RNF150: variants seen among roughly 807,000 people sequenced by gnomAD.
The protein encoded by RNF150 is ring finger protein 150.
A neutral mutation model predicts 39.3 loss-of-function variants in RNF150; 24 were observed. The ratio of observed to expected loss-of-function variants is 0.61; its 90% CI spans 0.44 to 0.86. The LOEUF is 0.86. RNF150 is among the 40% of genes least tolerant of loss of function. RNF150 has a pLI of 0.00. For missense variants in RNF150, 502 were observed against 587.8 expected (o/e 0.85, Z 1.51); for synonymous variants, 255 against 227.3 (o/e 1.12, Z -1.10).
intron 1 of RNF150, among the ~76,000 whole-genome samples, chr4:141,117,851 G>A (rs1425790947): frequency 6.6e-6 from 1 of 152,194 alleles, no homozygotes; most frequent in African/African-American, 2.4e-5. Flanking sequence ...GATTTGCTGA[G>A]TTCCTCTAGT....
chr4:140,990,312 T>C (rs1201796731), intron 1 of RNF150, among the ~76,000 whole-genome samples: 1 of 152,224 alleles, frequency 6.6e-6, no homozygotes, highest in East Asian at 1.9e-4. Flanking sequence ...TAAAATAAAA[T>C]GATAGCTTTC....
At chr4:140,977,733 CT>C (rs1393943975) in intron 1 of RNF150, among the ~76,000 whole-genome samples, 3 of 152,142 alleles carry the variant, frequency 2.0e-5, no homozygotes, top group African/African-American at 7.2e-5. Context: ...CTTCAATCAA[CT>C]TATTTGAATT....
intron 1 of RNF150, among the ~76,000 whole-genome samples, chr4:140,999,969 GAAGAAGAAAAGAAGAA>G (rs71985732): frequency 3.2e-5 from 1 of 31,004 alleles, no homozygotes; most frequent in Non-Finnish European, 9.0e-5. Flanking sequence ...AGAAGAAGAA[GAAGAAGAAAAGAAGAA>G]AAGAAGAAAA....
chr4:141,121,372 A>G (rs1726596731), intron 1 of RNF150, among the ~76,000 whole-genome samples: 1 of 152,146 alleles, frequency 6.6e-6, no homozygotes, highest in African/African-American at 2.4e-5. Flanking sequence ...CATGCACCAG[A>G]ATCTTCTTTT....
intron 1 of RNF150, among the ~76,000 whole-genome samples, chr4:141,008,677 T>C (rs1734957812): frequency 1.3e-5 from 2 of 152,212 alleles, no homozygotes; most frequent in Non-Finnish European, 1.5e-5. Context: ...CTCCTCTGTA[T>C]TGGAGTGAAG....
At chr4:141,091,847 G>A (rs1298096046) in intron 1 of RNF150, among the ~76,000 whole-genome samples, 1 of 152,130 alleles carries the variant, frequency 6.6e-6, no homozygotes, top group Non-Finnish European at 1.5e-5. Context: ...ATTCAGACAT[G>A]CCAAAAAGGA....
chr4:140,951,551 GTTTTTTT>G (rs35787999), intron 2 of RNF150, among the ~76,000 whole-genome samples: 7 of 139,578 alleles, frequency 5.0e-5, no homozygotes, highest in South Asian at 4.5e-4. Context: ...TGTTGTTGTT[GTTTTTTT>G]TTTTTTTTGC....
At chr4:141,043,382 A>G (rs1443072036) in intron 1 of RNF150, among the ~76,000 whole-genome samples, 1 of 152,170 alleles carries the variant, frequency 6.6e-6, no homozygotes, top group Non-Finnish European at 1.5e-5. Context: ...TTTCGCTATT[A>G]ATATAGGAAT....
At chr4:141,146,268 G>A (rs1404553784) in intron 1 of RNF150, among the ~76,000 whole-genome samples, 2 of 152,194 alleles carry the variant, frequency 1.3e-5, no homozygotes, top group Non-Finnish European at 2.9e-5. Context: ...TTTTCCTAGG[G>A]AGGAAAAATG....
At chr4:141,064,818 T>C (rs1334334726) in intron 1 of RNF150, among the ~76,000 whole-genome samples, 1 of 152,134 alleles carries the variant, frequency 6.6e-6, no homozygotes, top group East Asian at 1.9e-4. Flanking sequence ...GGTTTGACAC[T>C]ACGATGTAGC....
intron 1 of RNF150, among the ~76,000 whole-genome samples, chr4:140,977,912 CTA>C (rs1458185409): frequency 1.3e-5 from 2 of 152,094 alleles, no homozygotes; most frequent in African/African-American, 4.8e-5. Flanking sequence ...CTTTTCTACA[CTA>C]GGGAGAAGTT....
chr4:141,045,849 A>G (rs1178050218), intron 1 of RNF150, among the ~76,000 whole-genome samples: 1 of 152,122 alleles, frequency 6.6e-6, no homozygotes, highest in Non-Finnish European at 1.5e-5. Flanking sequence ...TGGCCTAGGA[A>G]CACATTCTTA....
intron 1 of RNF150, among the ~76,000 whole-genome samples, chr4:140,973,925 C>A (rs1188929101): frequency 6.6e-6 from 1 of 150,472 alleles, no homozygotes; most frequent in Non-Finnish European, 1.5e-5. Context: ...ACACGGAGGT[C>A]CTATGAACCA....
chr4:141,005,562 C>G (rs1210792640), intron 1 of RNF150, among the ~76,000 whole-genome samples: 1 of 152,154 alleles, frequency 6.6e-6, no homozygotes. Flanking sequence ...GATAAGTAAG[C>G]TTCCTTAAGG....
At chr4:141,078,112 A>G (rs971558543) in intron 1 of RNF150, among the ~76,000 whole-genome samples, 5 of 152,172 alleles carry the variant, frequency 3.3e-5, no homozygotes, top group African/African-American at 1.2e-4. Context: ...AAATGTCATC[A>G]TGCTCTAAAA....
intron 4 of RNF150, among the ~76,000 whole-genome samples, chr4:140,943,155 G>A (rs561459085): frequency 6.6e-6 from 1 of 152,220 alleles, no homozygotes; most frequent in South Asian, 2.1e-4. Context: ...CAGGGTCTTT[G>A]GTCAGTTTAT....
chr4:140,888,474 T>C (rs1422829187), intron 6 of RNF150, among the ~76,000 whole-genome samples: 1 of 152,214 alleles, frequency 6.6e-6, no homozygotes, highest in African/African-American at 2.4e-5. Context: ...TCACAGAACA[T>C]AATTTTCAGC....
intron 6 of RNF150, among the ~76,000 whole-genome samples, chr4:140,880,520 G>C (rs2111202592): frequency 6.7e-6 from 1 of 148,654 alleles, no homozygotes; most frequent in East Asian, 2.0e-4. Context: ...TCATAAAATA[G>C]TTTAGAAGTG....
intron 6 of RNF150, among the ~76,000 whole-genome samples, chr4:140,870,401 C>A (rs1172094292): frequency 6.6e-6 from 1 of 152,042 alleles, no homozygotes; most frequent in East Asian, 1.9e-4. Flanking sequence ...CACTTCACTA[C>A]AAAATACATT....
Sources: allele counts gnomAD v4.1 joint callset (sites outside exome capture counted in the v4.1 genomes callset), GRCh38; gene constraint gnomAD v4.1.1; transcripts MANE v1.5; gene names NCBI Gene and HGNC (gene_info 2026-07-23, HGNC 2026-07-21).